The following PAFAH1B1 variants were observed in gnomAD, a reference collection of about 807,000 sequenced individuals.
PAFAH1B1 encodes platelet activating factor acetylhydrolase 1b regulatory subunit 1.
A neutral mutation model predicts 57.5 loss-of-function variants in PAFAH1B1; 2 were observed. That is an observed-to-expected ratio of 0.03 (90% CI 0.01 to 0.11). The LOEUF is 0.11. PAFAH1B1 is among the 10% of genes least tolerant of loss of function. The pLI is 1.00. For synonymous variants in PAFAH1B1, 152 were observed against 169.6 expected, an observed-to-expected ratio of 0.90 and a Z score of 0.81; for missense variants, 257 against 512.0, an observed-to-expected ratio of 0.50 and a Z score of 4.81.
chr17:2,629,485 A>G (rs548179106), intron 1 of PAFAH1B1, among the ~76,000 whole-genome samples: 1 of 152,236 alleles, frequency 6.6e-6, no homozygotes, highest in African/African-American at 2.4e-5. Context: ...ATTTTCTTAA[A>G]TTTATTGATG....
chr17:2,633,007 A>AC (rs2068573850), intron 1 of PAFAH1B1, among the ~76,000 whole-genome samples: 1 of 152,080 alleles, frequency 6.6e-6, no homozygotes, highest in Non-Finnish European at 1.5e-5. Flanking sequence ...TTCCATCACT[A>AC]CACCAATATA....
At chr17:2,665,221 G>T (rs943049753) in intron 2 of PAFAH1B1, 151 bp from the exon 3 acceptor site, 24 of 628,470 alleles carry the variant, frequency 3.8e-5, no homozygotes, top group Admixed American at 3.7e-4. Context: ...GCTTTGCGGG[G>T]GTGTCCTTTT....
chr17:2,664,891 A>G lies in PAFAH1B1; in HGVS notation c.33-481A>G, dbSNP rs527994616. ...TGATTGCTTTTTTTCACCCACTCCAATGGTTCAAAGTTATTTCTAATATGA... is the reference window on the plus strand; with the variant it reads ...TGATTGCTTTTTTTCACCCACTCCAGTGGTTCAAAGTTATTTCTAATATGA... On this transcript the variant is annotated intron_variant, in intron 2 of 10. Coordinates refer to ENST00000397195, the MANE Select transcript of PAFAH1B1 (RefSeq NM_000430.4). 4.2e-4 allele frequency among the ~76,000 whole-genome samples: 64 copies of G among 152,212 alleles called. No homozygotes were observed. The South Asian group carries it at 4.4e-3, about 10-fold the overall frequency.
intron 2 of PAFAH1B1, chr17:2,641,863 G>A (rs1388224447): frequency 6.6e-6 from 1 of 152,082 alleles, no homozygotes; most frequent in East Asian, 1.9e-4. Context: ...TGACACCCTA[G>A]TATACACATA....
intron 2 of PAFAH1B1, among the ~76,000 whole-genome samples, chr17:2,664,701 T>TCTCC (rs1423503815): frequency 2.0e-5 from 3 of 149,258 alleles, no homozygotes; most frequent in East Asian, 1.9e-4. Context: ...TCTTTCTCTC[T>TCTCC]CCATCTATAA....
intron 2 of PAFAH1B1, among the ~76,000 whole-genome samples, chr17:2,643,024 GAT>G (rs904395054): frequency 1.4e-4 from 21 of 152,038 alleles, no homozygotes; most frequent in Admixed American, 6.6e-4. Context: ...ATATGAGATA[GAT>G]ATATATCTTC....
chr17:2,595,605 T>C (rs747357070), intron 1 of PAFAH1B1, among the ~76,000 whole-genome samples: 2 of 152,184 alleles, frequency 1.3e-5, no homozygotes, highest in Non-Finnish European at 2.9e-5. Context: ...GGGTGTCTTT[T>C]AGGACACAGT....
Position 2,667,024 on chromosome 17 carries a change from A to C in PAFAH1B1, c.225A>C (p.Ala75=). 6.2e-7 allele frequency: 1 copy of C among 1,614,002 alleles called. No homozygotes were observed. The highest frequency in any genetic ancestry group is 8.5e-7 in the Non-Finnish European group (1 of 1,179,860). ...VMELESKLNE[A]KEEFTSGGPL... The stretch of plus-strand genomic sequence containing the variant: ...AATTAGAATCAAAGCTAAATGAAGC[A>C]AAAGAAGAATTTACGTCAGGTGGAC... Residue 75 remains alanine, a synonymous_variant, in exon 5 of 11, where the codon GCA becomes GCC. Transcript: ENST00000397195.
At chr17:2,672,819 C>A in intron 7 of PAFAH1B1, 62 bp downstream of exon 7, 1 of 1,092,290 alleles carries the variant, frequency 9.2e-7, no homozygotes, top group East Asian at 2.5e-5. Flanking sequence ...CCTGTCATCC[C>A]AGCGCTTTGG....
rs538397985 is a variant in PAFAH1B1 at position 2,593,657 on chromosome 17, C to CGGAGCT, written c.-534_-529dup. 0.03 allele frequency: 8,054 copies of CGGAGCT among 272,760 alleles called. 644 individuals are homozygous for CGGAGCT. The highest frequency in any genetic ancestry group is 0.17 in the African/African-American group (7,268 of 43,902). The allele number at this position is 272,760 out of a possible 1,614,324, so 16.9% of individuals were successfully genotyped here. On this transcript the variant is annotated 5_prime_UTR_variant, in exon 1 of 11. Transcript: ENST00000397195. ...GCGTTGGGGCAGCTCCTGTGACAGA[C>CGGAGCT]GGAGCTGGAGCGGCGGGGCGGCGGC...
At chr17:2,603,825 C>T (rs1242815843) in intron 1 of PAFAH1B1, among the ~76,000 whole-genome samples, 4 of 151,566 alleles carry the variant, frequency 2.6e-5, no homozygotes, top group Non-Finnish European at 5.9e-5. Flanking sequence ...ACTGCAGCCT[C>T]CACCTCCCAG....
intron 7 of PAFAH1B1, chr17:2,673,745 A>G (rs1483642206): frequency 1.6e-5 from 5 of 308,536 alleles, no homozygotes; most frequent in African/African-American, 4.3e-5. Context: ...CAAAGTTACT[A>G]GTTTTACTCA....
At chr17:2,669,623 C>T (rs1357001519) in intron 5 of PAFAH1B1, among the ~76,000 whole-genome samples, 5 of 152,162 alleles carry the variant, frequency 3.3e-5, no homozygotes, top group Admixed American at 6.6e-5. Context: ...GAACAGTTAA[C>T]ATCTTCTGAA....
At chr17:2,641,720 T>C (rs947504365) in intron 2 of PAFAH1B1, 3 of 152,190 alleles carry the variant, frequency 2.0e-5, no homozygotes, top group African/African-American at 7.2e-5. Flanking sequence ...TTGGTTCTTC[T>C]TAGTGGCGCA....
At chr17:2,679,502 TTGGA>T (rs1304583128) in intron 9 of PAFAH1B1, among the ~76,000 whole-genome samples, 8 of 86,016 alleles carry the variant, frequency 9.3e-5, no homozygotes, top group Admixed American at 2.3e-4. Flanking sequence ...GGATGGATGA[TTGGA>T]TGGATGGATG....
intron 2 of PAFAH1B1, among the ~76,000 whole-genome samples, chr17:2,648,057 C>T (rs1242565543): frequency 6.6e-6 from 1 of 152,028 alleles, no homozygotes; most frequent in Non-Finnish European, 1.5e-5. Flanking sequence ...ACTCACAGTT[C>T]AACATGGCTG....
intron 2 of PAFAH1B1, among the ~76,000 whole-genome samples, chr17:2,644,602 C>T (rs1241798361): frequency 1.3e-5 from 2 of 152,110 alleles, no homozygotes; most frequent in African/African-American, 2.4e-5. Flanking sequence ...TCTACTTATA[C>T]CTTAATGTAT....
intron 1 of PAFAH1B1, among the ~76,000 whole-genome samples, chr17:2,631,300 C>CAGCGGTGAAAGA (rs1427599442): frequency 6.6e-6 from 1 of 152,060 alleles, no homozygotes; most frequent in Non-Finnish European, 1.5e-5. Context: ...ATCTGCCTCC[C>CAGCGGTGAAAGA]AGCGGTGAAA....
intron 9 of PAFAH1B1, among the ~76,000 whole-genome samples, chr17:2,678,015 T>C (rs1567561987): frequency 1.3e-5 from 2 of 151,088 alleles, no homozygotes; most frequent in African/African-American, 2.4e-5. Flanking sequence ...CCAGCACTTT[T>C]GGAGGCTGAG....
Sources: allele counts gnomAD v4.1 joint callset (sites outside exome capture counted in the v4.1 genomes callset), GRCh38; gene constraint gnomAD v4.1.1; transcripts MANE v1.5; gene names NCBI Gene and HGNC (gene_info 2026-07-23, HGNC 2026-07-21).